The following PTPRD variants were observed in gnomAD, a reference collection of about 807,000 sequenced individuals.
PTPRD encodes protein tyrosine phosphatase receptor type D, also known as receptor-type tyrosine-protein phosphatase delta.
A neutral mutation model predicts 214.5 loss-of-function variants in PTPRD; 34 were observed. The observed-to-expected ratio is 0.16, with a 90% CI of 0.12 to 0.21. The LOEUF is 0.21. Ranked by LOEUF, PTPRD falls within the 10% of genes least tolerant of loss-of-function variation. The pLI is 1.00. For synonymous variants in PTPRD, 1,128 were observed against 845.7 expected (o/e 1.33, Z -5.79); for missense variants, 2,545 against 2,398.7 (o/e 1.06, Z -1.27).
chr9:10,487,966 GTCTCTCTCTCTCTCTCTC>G (rs56372955), intron 2 of PTPRD, among the ~76,000 whole-genome samples: 2 of 110,266 alleles, frequency 1.8e-5, no homozygotes, highest in Non-Finnish European at 3.5e-5. Context: ...AATGAACACA[GTCTCTCTCTCTCTCTCTC>G]TCTCTCTCTC....
intron 8 of PTPRD, among the ~76,000 whole-genome samples, chr9:9,558,918 AC>A (rs1204756573): frequency 2.0e-5 from 3 of 152,130 alleles, no homozygotes; most frequent in Non-Finnish European, 4.4e-5. Flanking sequence ...TTGCATTAGG[AC>A]TACAGGTCCT....
At chr9:8,454,350 T>C (rs924808463) in intron 33 of PTPRD, among the ~76,000 whole-genome samples, 3 of 152,214 alleles carry the variant, frequency 2.0e-5, no homozygotes, top group African/African-American at 7.2e-5. Context: ...TTGTGTACTA[T>C]CTTTTAAACT....
chr9:8,560,373 G>A (rs2085693823), intron 14 of PTPRD, among the ~76,000 whole-genome samples: 1 of 150,462 alleles, frequency 6.6e-6, no homozygotes, highest in African/African-American at 2.4e-5. Flanking sequence ...GGGAGTGGAA[G>A]AAAACAATAC....
intron 3 of PTPRD, among the ~76,000 whole-genome samples, chr9:10,150,291 G>C (rs1318202139): frequency 6.6e-6 from 1 of 152,130 alleles, no homozygotes; most frequent in Admixed American, 6.6e-5. Flanking sequence ...ACTGGATTAA[G>C]AAAGTGTGGC....
At chr9:8,876,776 T>TA (rs2098395572) in intron 11 of PTPRD, among the ~76,000 whole-genome samples, 1 of 152,320 alleles carries the variant, frequency 6.6e-6, no homozygotes. Flanking sequence ...ATATTTGAAT[T>TA]AAAAATGCAA....
intron 12 of PTPRD, among the ~76,000 whole-genome samples, chr9:8,692,874 A>G (rs1565326432): frequency 6.6e-6 from 1 of 152,218 alleles, no homozygotes; most frequent in Non-Finnish European, 1.5e-5. Flanking sequence ...ACAATAGAAT[A>G]AACCTAAATC....
chr9:9,705,091 C>T (rs1302021665), intron 7 of PTPRD, among the ~76,000 whole-genome samples: 1 of 152,174 alleles, frequency 6.6e-6, no homozygotes, highest in Non-Finnish European at 1.5e-5. Context: ...CATTTTCTAG[C>T]ACTACACAGA....
chr9:10,224,179 A>G lies in PTPRD; in HGVS notation c.-545+116784T>C, dbSNP rs7027969. On this transcript the variant is annotated intron_variant, in intron 3 of 45. Coordinates refer to ENST00000381196, the MANE Select transcript of PTPRD (RefSeq NM_002839.4). Reference sequence around the variant, plus strand: ...TCCATTCTGTTTGTTGAATGCTTACATTATGTAAACCACTATATAAATTAT... The same window carrying G: ...TCCATTCTGTTTGTTGAATGCTTACGTTATGTAAACCACTATATAAATTAT... 9.8e-3 allele frequency among the ~76,000 whole-genome samples: 1,494 copies of G among 152,114 alleles called. 24 individuals carry two copies. The highest frequency in any genetic ancestry group is 0.034 in the African/African-American group (1,409 of 41,552).
chr9:10,491,017 T>C (rs2040024959), intron 2 of PTPRD, among the ~76,000 whole-genome samples: 1 of 152,150 alleles, frequency 6.6e-6, no homozygotes. Context: ...ATTTATTTGC[T>C]TTGCAAAAAT....
intron 4 of PTPRD, among the ~76,000 whole-genome samples, chr9:10,023,592 AT>A (rs559192039): frequency 1.4e-3 from 213 of 150,418 alleles, no homozygotes; most frequent in African/African-American, 4.9e-3. Context: ...TCTCTCATGC[AT>A]TTTATTTGCC....
At chr9:9,532,152 T>C (rs1315111078) in intron 8 of PTPRD, among the ~76,000 whole-genome samples, 1 of 151,948 alleles carries the variant, frequency 6.6e-6, no homozygotes. Context: ...GCAGGAGAGC[T>C]AGGAAGAAAC....
At chr9:10,159,158 C>CA (rs773828681) in intron 3 of PTPRD, among the ~76,000 whole-genome samples, 1 of 149,490 alleles carries the variant, frequency 6.7e-6, no homozygotes, top group Non-Finnish European at 1.5e-5. Context: ...CATCTACTCT[C>CA]AAAAAAGGCA....
At chr9:9,239,778 C>T (rs1193460190) in intron 9 of PTPRD, among the ~76,000 whole-genome samples, 2 of 152,248 alleles carry the variant, frequency 1.3e-5, no homozygotes, top group African/African-American at 2.4e-5. Flanking sequence ...AGTTGTGACT[C>T]CTGGTGATCC....
At chr9:9,128,257 T>C (rs1304264701) in intron 10 of PTPRD, among the ~76,000 whole-genome samples, 1 of 152,196 alleles carries the variant, frequency 6.6e-6, no homozygotes, top group Non-Finnish European at 1.5e-5. Context: ...GAGGTATGTA[T>C]ATCTATATTT....
intron 11 of PTPRD, among the ~76,000 whole-genome samples, chr9:8,745,276 A>G (rs188583600): frequency 6.6e-6 from 1 of 152,384 alleles, no homozygotes; most frequent in African/African-American, 2.4e-5. Context: ...TCTTTCTTCT[A>G]TAGCATGGTG....
intron 10 of PTPRD, among the ~76,000 whole-genome samples, chr9:9,182,341 C>A (rs145241103): frequency 1.8e-4 from 28 of 152,078 alleles, no homozygotes; most frequent in African/African-American, 6.3e-4. Context: ...CGGTGATATT[C>A]TTTTCTTTAA....
At chr9:8,397,245 A>G (rs1450792865) in intron 36 of PTPRD, among the ~76,000 whole-genome samples, 1 of 152,142 alleles carries the variant, frequency 6.6e-6, no homozygotes, top group African/African-American at 2.4e-5. Context: ...AGTGACTGGG[A>G]AAGAGAGGGA....
At chr9:8,442,003 A>G (rs1460804042) in intron 34 of PTPRD, among the ~76,000 whole-genome samples, 4 of 152,148 alleles carry the variant, frequency 2.6e-5, no homozygotes, top group African/African-American at 9.7e-5. Flanking sequence ...GAGATCATAA[A>G]CCATCCTCAG....
At chr9:9,550,539 A>G (rs1279766161) in intron 8 of PTPRD, among the ~76,000 whole-genome samples, 1 of 148,958 alleles carries the variant, frequency 6.7e-6, no homozygotes, top group Middle Eastern at 3.5e-3. Flanking sequence ...TGTATAGTAT[A>G]GCATATATAT....
Sources: allele counts gnomAD v4.1 joint callset (sites outside exome capture counted in the v4.1 genomes callset), GRCh38; gene constraint gnomAD v4.1.1; transcripts MANE v1.5; gene names NCBI Gene and HGNC (gene_info 2026-07-23, HGNC 2026-07-21).